RBFOX1: variants seen among roughly 807,000 people sequenced by gnomAD.
RBFOX1 encodes the protein RNA binding fox-1 homolog 1, also known as RNA binding protein fox-1 homolog 1.
RBFOX1 carries 8 observed loss-of-function variants against 57.7 expected under a neutral mutation model. The ratio of observed to expected loss-of-function variants is 0.14; its 90% CI spans 0.08 to 0.25. The LOEUF is 0.25. Among genes scored for constraint, RBFOX1 ranks in the 10% least tolerant of loss-of-function variants. The pLI, the probability that RBFOX1 is intolerant of heterozygous loss-of-function variation, is 1.00. For missense variants in RBFOX1, 611 were observed against 548.5 expected (o/e 1.11, Z -1.14); for synonymous variants, 326 against 222.4 (o/e 1.47, Z -4.15).
chr16:7,168,595 TCTTGGTTTA>T (rs1366571540), intron 4 of RBFOX1, among the ~76,000 whole-genome samples: 12 of 152,280 alleles, frequency 7.9e-5, no homozygotes, highest in African/African-American at 2.6e-4. Context: ...TTTCTGGTAT[TCTTGGTTTA>T]CATCTCAGTG....
chr16:6,211,598 A>T (rs972756162), intron 1 of RBFOX1, among the ~76,000 whole-genome samples: 1 of 152,136 alleles, frequency 6.6e-6, no homozygotes, highest in East Asian at 1.9e-4. Context: ...AATTTGAATA[A>T]GGGTAGCTTC....
rs377004823 is a variant in RBFOX1 at position 5,521,476 on chromosome 16, C to A, written c.258+54222C>A. ...GCACATATCTCTTTGTATCCTCCAT[C>A]TTCCCAGTGTCTCATTGACCCGAAC... On this transcript the variant is annotated intron_variant, in intron 2 of 2. Coordinates refer to the RBFOX1 transcript ENST00000585867. Among the ~76,000 whole-genome samples, 7 of 152,070 alleles carry A rather than the reference C, an allele frequency of 4.6e-5. No homozygotes were observed. The South Asian group carries it at 1.0e-3, about 23-fold the overall frequency.
In RBFOX1 at chr16:6,558,486, T is replaced by G. The variant is rs369077634; in HGVS notation, c.-63-96117T>G. 7.8e-4 allele frequency among the ~76,000 whole-genome samples: 118 copies of G among 152,108 alleles called. 1 individual carries two copies. The highest frequency in any genetic ancestry group is 6.8e-3 in the Middle Eastern group (2 of 294). On this transcript the variant is annotated intron_variant, in intron 2 of 15. Transcript: ENST00000550418. ...AGCTTTTTGAACTGTATGACTTGAG[T>G]CATCTGTCACGTTGGAAGGACATTG...
chr16:6,778,895 T>C (rs2079852787), intron 3 of RBFOX1, among the ~76,000 whole-genome samples: 1 of 151,980 alleles, frequency 6.6e-6, no homozygotes, highest in Admixed American at 6.6e-5. Context: ...TTTATGGTTA[T>C]GGAAGAGTTG....
intron 13 of RBFOX1, among the ~76,000 whole-genome samples, chr16:7,668,964 C>T (rs1384939172): frequency 6.6e-6 from 1 of 152,180 alleles, no homozygotes; most frequent in African/African-American, 2.4e-5. Flanking sequence ...AGCACAGTAG[C>T]ACGATCTCAG....
intron 3 of RBFOX1, among the ~76,000 whole-genome samples, chr16:6,961,915 G>C (rs1211916933): frequency 6.6e-6 from 1 of 152,146 alleles, no homozygotes; most frequent in Non-Finnish European, 1.5e-5. Flanking sequence ...TTTATCAGCA[G>C]GGTCTTTATG....
intron 1 of RBFOX1, among the ~76,000 whole-genome samples, chr16:5,311,087 C>T (rs368296547): frequency 3.3e-5 from 5 of 152,244 alleles, no homozygotes; most frequent in African/African-American, 1.2e-4. Context: ...TGAGAACATG[C>T]AGTATTTGGT....
chr16:6,412,080 C>G (rs2093474778), intron 2 of RBFOX1, among the ~76,000 whole-genome samples: 1 of 149,616 alleles, frequency 6.7e-6, no homozygotes, highest in Non-Finnish European at 1.5e-5. Context: ...TTGCAGTGAG[C>G]CAAGATCGTG....
At chr16:7,112,179 T>C (rs2064917607) in intron 4 of RBFOX1, among the ~76,000 whole-genome samples, 1 of 152,180 alleles carries the variant, frequency 6.6e-6, no homozygotes, top group Non-Finnish European at 1.5e-5. Context: ...ACTTTGTTTT[T>C]CTATGTCATC....
intron 1 of RBFOX1, among the ~76,000 whole-genome samples, chr16:5,340,531 T>C (rs2065009986): frequency 6.6e-6 from 1 of 152,246 alleles, no homozygotes; most frequent in African/African-American, 2.4e-5. Flanking sequence ...AGAGAAGTTT[T>C]TGGTAACAGT....
chr16:6,459,965 C>A (rs1175456471), intron 2 of RBFOX1, among the ~76,000 whole-genome samples: 1 of 85,544 alleles, frequency 1.2e-5, no homozygotes, highest in Non-Finnish European at 2.3e-5. Flanking sequence ...GCCCGGGCAA[C>A]AAGAGTGAAA....
intron 4 of RBFOX1, among the ~76,000 whole-genome samples, chr16:7,174,084 C>G (rs1265839464): frequency 1.3e-5 from 2 of 152,104 alleles, no homozygotes; most frequent in Non-Finnish European, 2.9e-5. Context: ...GATTTAAGCT[C>G]TAGATTTGCC....
chr16:7,214,130 C>G (rs1178713347), intron 4 of RBFOX1, among the ~76,000 whole-genome samples: 2 of 152,036 alleles, frequency 1.3e-5, no homozygotes, highest in East Asian at 3.9e-4. Context: ...TTCTTGTTCT[C>G]TGACCATTTA....
chr16:5,619,300 T>C (rs1406513808), intron 3 of RBFOX1, among the ~76,000 whole-genome samples: 1 of 152,162 alleles, frequency 6.6e-6, no homozygotes, highest in East Asian at 1.9e-4. Flanking sequence ...TATGGAACTC[T>C]GACCCTGGAA....
chr16:6,000,216 G>GC (rs971746379), intron 4 of RBFOX1, among the ~76,000 whole-genome samples: 6 of 152,104 alleles, frequency 3.9e-5, no homozygotes, highest in Non-Finnish European at 5.9e-5. Context: ...AAGATCCCAT[G>GC]CCCCCCTGGT....
In RBFOX1 at chr16:5,812,870, C is replaced by G. The variant is rs184614007; in HGVS notation, c.319-54433C>G. Among the ~76,000 whole-genome samples the G allele has an allele frequency of 3.7e-4, 57 of 152,276 alleles. No homozygotes were observed. The Middle Eastern group carries it at 0.01, about 27-fold the overall frequency. ...AATGATGTTGAGTATCTTTCAACTT[C>G]TGGTTTTCCATGTGTGTATTTTCTT... On this transcript the variant is annotated intron_variant, in intron 3 of 19. Coordinates refer to the RBFOX1 transcript ENST00000641259.
chr16:6,180,344 T>A (rs990727946), intron 1 of RBFOX1, among the ~76,000 whole-genome samples: 21 of 151,994 alleles, frequency 1.4e-4, no homozygotes, highest in Non-Finnish European at 2.1e-4. Context: ...CTCTTGAAAT[T>A]TTGGTAGTTT....
chr16:6,003,867 C>A (rs1021143210), intron 4 of RBFOX1, among the ~76,000 whole-genome samples: 9 of 152,180 alleles, frequency 5.9e-5, no homozygotes, highest in South Asian at 4.1e-4. Flanking sequence ...AGAGAGCAGG[C>A]CTAGGTGGCC....
intron 2 of RBFOX1, among the ~76,000 whole-genome samples, chr16:6,388,435 A>T (rs914049994): frequency 2.0e-5 from 3 of 152,196 alleles, no homozygotes; most frequent in African/African-American, 7.2e-5. Context: ...GCACCATTTA[A>T]TGGTGATTTA....
Sources: gnomAD v4.1 joint callset for allele counts (sites outside exome capture counted in the v4.1 genomes callset) on GRCh38, gnomAD v4.1.1 for gene constraint, MANE v1.5 for transcripts, NCBI Gene and HGNC (gene_info 2026-07-23, HGNC 2026-07-21) for gene names.